Variants in ZFYVE26 observed in about 807,000 individuals in gnomAD.
The protein encoded by ZFYVE26 is zinc finger FYVE domain-containing protein 26.
In ZFYVE26, 181 loss-of-function variants were observed where a neutral mutation model predicts 276.5. The observed-to-expected ratio is 0.65, with a 90% CI of 0.58 to 0.74. The LOEUF is 0.74. Ranked by LOEUF, ZFYVE26 falls within the 30% of genes least tolerant of loss-of-function variation. The probability of loss-of-function intolerance (pLI) is 0.00; values close to 1 mark genes in which losing one functional copy is unlikely to be tolerated. For missense variants in ZFYVE26, 2,821 were observed against 3,097.9 expected, an observed-to-expected ratio of 0.91 and a Z score of 2.12; for synonymous variants, 1,129 against 1,203.1, an observed-to-expected ratio of 0.94 and a Z score of 1.27.
chr14:67,785,753 C>A, intron 18 of ZFYVE26, 105 bp downstream of exon 18: 3 of 1,490,632 alleles, frequency 2.0e-6, no homozygotes, highest in Non-Finnish European at 2.8e-6. Flanking sequence ...CTGATAGATC[C>A]CAGTTCTGGA....
At position 67,781,320 on chromosome 14, in the gene ZFYVE26, C is replaced by T. The variant is rs754203747; in HGVS notation, c.4569+13G>A. ...GAAGCCCGTTCCCTTTCTCTTGATG[C>T]GAGGGCCCATACCTTCTGATACACC... On this transcript the variant is annotated intron_variant, in intron 22 of 41. Coordinates refer to ENST00000347230, the MANE Select transcript of ZFYVE26 (RefSeq NM_015346.4). 67 of 1,613,718 alleles carry T rather than the reference C, an allele frequency of 4.2e-5. No individual in the cohort carries two copies. Among genetic ancestry groups the T allele is most frequent in the Non-Finnish European group, 5.3e-5 (62 of 1,179,948 alleles).
In ZFYVE26 at chr14:67,772,199, T is replaced by C; in HGVS notation, c.5332A>G (p.Ile1778Val). The change falls in exon 28 of 42, where the codon ATA (isoleucine) becomes GTA (valine). Residue 1778 changes from isoleucine (I) to valine (V), a missense_variant. By Grantham distance (29) the Ile-to-Val change is conservative. Transcript: ENST00000347230. ...CTTTCCCTTAGACTAGGGGAATGTA[T>C]ACTGGAGATACCTGGGAGGCAGAGC... ...SPAAPPGISS[I>V]HSPSLRERSF... is the part of the protein sequence containing the mutation. 1 of 1,612,900 alleles carries C rather than the reference T, an allele frequency of 6.2e-7. No homozygotes were observed. Among genetic ancestry groups the C allele is most frequent in the Non-Finnish European group, 8.5e-7 (1 of 1,179,636 alleles).
intron 27 of ZFYVE26, among the ~76,000 whole-genome samples, chr14:67,774,579 T>A (rs976566900): frequency 6.6e-6 from 1 of 152,222 alleles, no homozygotes. Context: ...TGGGGCTAGT[T>A]GAATGGGATT....
rs2040186286 is a variant in ZFYVE26, at chr14:67,806,642, A to G, written c.920T>C (p.Met307Thr). Residue 307 changes from methionine (M) to threonine (T), a missense_variant, in exon 6 of 42, where the codon ATG (methionine) becomes ACG (threonine). Met to Thr is a moderately conservative substitution (Grantham distance 81, BLOSUM62 -1). Coordinates refer to ENST00000347230, the MANE Select transcript of ZFYVE26 (RefSeq NM_015346.4). ...SPDHLDPERA[M>T]LALFSNPNPA... ...GTTGGGATTGGAGAACAGGGCTAGC[A>G]TTGCCCGCTCAGGATCTAGATGATC... The G allele has an allele frequency of 2.5e-6, 4 of 1,614,230 alleles. No individual in the cohort carries two copies. The highest frequency in any genetic ancestry group is 2.5e-6 in the Non-Finnish European group (3 of 1,180,020).
At position 67,755,035 on chromosome 14, in the gene ZFYVE26, CT is replaced by C. The variant is rs1375583816; in HGVS notation, c.6986+15del. The C allele has an allele frequency of 6.2e-7, 1 of 1,613,306 alleles. No homozygotes were observed. The highest frequency in any genetic ancestry group is 2.2e-5 in the East Asian group (1 of 44,898). ...CTTTCTGCCCCACACCAATAGTCCCCTGAACCTCCAGCTACCTTGACACATC... is the reference window on the plus strand; with the variant it reads ...CTTTCTGCCCCACACCAATAGTCCCCGAACCTCCAGCTACCTTGACACATC... On this transcript the variant is annotated intron_variant, in intron 37 of 41. Coordinates refer to ENST00000347230, the MANE Select transcript of ZFYVE26 (RefSeq NM_015346.4).
chr14:67,734,852 A>G (rs1031512758), intron 13 of ZFYVE26, among the ~76,000 whole-genome samples: 2 of 152,162 alleles, frequency 1.3e-5, no homozygotes, highest in African/African-American at 4.8e-5. Flanking sequence ...AGGAGGCTCC[A>G]CTTGCAGAAT....
At chr14:67,750,720 C>T (rs1268357617) in intron 41 of ZFYVE26, 1 of 398,466 alleles carries the variant, frequency 2.5e-6, no homozygotes, top group African/African-American at 2.0e-5. Flanking sequence ...TCCATCAGTC[C>T]ACCCAAAGAT....
chr14:67,791,389 G>T (rs1314373913), intron 14 of ZFYVE26, among the ~76,000 whole-genome samples: 1 of 152,072 alleles, frequency 6.6e-6, no homozygotes, highest in Admixed American at 6.5e-5. Flanking sequence ...CTATTGTAAG[G>T]TCACTAAAAT....
At chr14:67,785,366 C>T (rs1191064783) in intron 18 of ZFYVE26, 89 bp from the exon 19 acceptor site, 23 of 1,209,164 alleles carry the variant, frequency 1.9e-5, no homozygotes, top group Non-Finnish European at 2.6e-5. Context: ...GTGAACTGTG[C>T]CCCCTATACA....
At chr14:67,750,559 G>A (rs1025765857) in intron 41 of ZFYVE26, 1 of 190,956 alleles carries the variant, frequency 5.2e-6, no homozygotes, top group African/African-American at 2.4e-5. Flanking sequence ...CCCAAACAGG[G>A]ACGAGTTCTT....
intron 13 of ZFYVE26, among the ~76,000 whole-genome samples, chr14:67,740,186 T>C (rs2038399434): frequency 2.0e-5 from 3 of 152,216 alleles, no homozygotes; most frequent in Admixed American, 2.0e-4. Context: ...TTTTCCTGTT[T>C]TCATCTTAAT....
At chr14:67,767,504 G>A (rs946564600) in intron 31 of ZFYVE26, among the ~76,000 whole-genome samples, 200 bp downstream of exon 31, 1 of 151,802 alleles carries the variant, frequency 6.6e-6, no homozygotes, top group African/African-American at 2.4e-5. Flanking sequence ...CCTCTTCCAC[G>A]AAGGCTTTCC....
rs551919563 is a variant in ZFYVE26, at chr14:67,799,443, A to G, written c.1640-821T>C. 3.6e-5 allele frequency: 58 copies of G among 1,612,096 alleles called. No individual in the cohort carries two copies. In the East Asian group the frequency reaches 1.2e-3, roughly 32 times the overall value. ...AAAGAAGCAGAAACGAGCAGAAAGG[A>G]GTTGGGGCTTGATGAAGGCGTGGAT... On this transcript the variant is annotated intron_variant, in intron 10 of 41. Transcript: ENST00000347230.
intron 20 of ZFYVE26, 92 bp from the exon 21 acceptor site, chr14:67,783,617 G>A: frequency 6.6e-7 from 1 of 1,504,896 alleles, no homozygotes; most frequent in East Asian, 2.3e-5. Context: ...ATGAGCAAAT[G>A]TAAATAAAAG....
At chr14:67,784,927 G>A in intron 19 of ZFYVE26, 132 bp downstream of exon 19, 3 of 965,172 alleles carry the variant, frequency 3.1e-6, no homozygotes, top group South Asian at 1.3e-5. Context: ...GAATAAGAGA[G>A]GACAACCTTA....
In ZFYVE26 at chr14:67,777,721, G is replaced by C. The variant is rs1408008814; in HGVS notation, c.4812C>G (p.Ile1604Met). The change falls in exon 25 of 42, where the codon ATC becomes ATG. Residue 1604 changes from isoleucine to methionine, a missense_variant. Transcript: ENST00000347230. ...CTTCAAGGCACATGGTGGGGTCAGG[G>C]ATTCTTCGCAGGAGCTATTGTCAAA... ...HDKALQLLRR[I>M]PDPTMCLEVT... 2 of 1,614,204 alleles carry C rather than the reference G, an allele frequency of 1.2e-6. No homozygotes were observed. The highest frequency in any genetic ancestry group is 1.1e-5 in the South Asian group (1 of 91,082).
Position 67,816,529 on chromosome 14 carries a change from C to T in ZFYVE26, c.-84+5G>A, listed in dbSNP as rs1369004029. On this transcript the variant is annotated splice_donor_5th_base_variant and intron_variant, in intron 1 of 41. Transcript: ENST00000347230. ...CCCTCCCTCTCAGGGGTGTCTTACA[C>T]TCACCTGCTCCCGGCGCCCAAAGCA... is the stretch of plus-strand genomic sequence containing the variant. 6.5e-6 allele frequency: 1 copy of T among 152,788 alleles called. No homozygotes were observed. The highest frequency in any genetic ancestry group is 1.9e-4 in the East Asian group (1 of 5,176). 9.5% of individuals were successfully genotyped at this position (152,788 alleles called of 1,614,324 possible).
intron 20 of ZFYVE26, 99 bp from the exon 21 acceptor site, chr14:67,783,624 A>G: frequency 6.8e-7 from 1 of 1,480,526 alleles, no homozygotes; most frequent in African/African-American, 1.4e-5. Context: ...AATGTAAATA[A>G]AAGTTCCTAA....
At chr14:67,794,830 C>A (rs1479911583) in intron 12 of ZFYVE26, among the ~76,000 whole-genome samples, 1 of 152,094 alleles carries the variant, frequency 6.6e-6, no homozygotes, top group African/African-American at 2.4e-5. Context: ...CACCTGTAGT[C>A]CCAGCTACCC....
Sources: gnomAD v4.1 joint callset for allele counts (sites outside exome capture counted in the v4.1 genomes callset) on GRCh38, gnomAD v4.1.1 for gene constraint, MANE v1.5 for transcripts, NCBI Gene and HGNC (gene_info 2026-07-23, HGNC 2026-07-21) for gene names.